Variants in VAV2 observed in about 807,000 individuals in gnomAD.
The protein encoded by VAV2 is guanine nucleotide exchange factor VAV2.
Under a neutral mutation model 132.5 loss-of-function variants are expected in VAV2, and 67 were observed. The ratio of observed to expected loss-of-function variants is 0.51; its 90% CI spans 0.42 to 0.62. VAV2 has a LOEUF of 0.62. Ranked by LOEUF, VAV2 falls within the 20% of genes least tolerant of loss-of-function variation. The pLI is 0.00. For missense variants in VAV2, 938 were observed against 1,153.6 expected (o/e 0.81, Z 2.71); for synonymous variants, 492 against 443.5 (o/e 1.11, Z -1.37).
intron 13 of VAV2, among the ~76,000 whole-genome samples, chr9:133,791,489 A>G (rs1834458436): frequency 1.3e-5 from 2 of 152,062 alleles, no homozygotes; most frequent in Non-Finnish European, 2.9e-5. Flanking sequence ...TTGGGGGAGA[A>G]GGGGGGCTGG....
chr9:133,795,424 G>A (rs1445921433), intron 12 of VAV2, among the ~76,000 whole-genome samples: 2 of 152,142 alleles, frequency 1.3e-5, no homozygotes, highest in Non-Finnish European at 2.9e-5. Flanking sequence ...GGGAGGTCTT[G>A]TTGGACAGGT....
In VAV2 at chr9:133,806,104, C is replaced by G; in HGVS notation, c.813G>C (p.Lys271Asn). ...SVMVGGSTLAKVFLDFKERLL... is the reference protein window; with the variant it reads ...SVMVGGSTLANVFLDFKERLL... The stretch of plus-strand genomic sequence containing the variant: ...ACCTTTCCTTGAAATCGAGGAAGAC[C>G]TTGGCCAGCGTGCTGCCCCCCACCA... The change falls in exon 9 of 30, where the codon AAG (lysine) becomes AAC (asparagine). Residue 271 changes from lysine to asparagine, a missense_variant. Transcript: ENST00000371850. 1 of 1,613,040 alleles carries G rather than the reference C, an allele frequency of 6.2e-7. No homozygotes were observed. Among genetic ancestry groups the G allele is most frequent in the South Asian group, 1.1e-5 (1 of 91,052 alleles).
chr9:133,821,706 G>A (rs1428877944), intron 4 of VAV2, among the ~76,000 whole-genome samples: 2 of 152,322 alleles, frequency 1.3e-5, no homozygotes, highest in East Asian at 3.9e-4. Context: ...GTTAGTTCCT[G>A]CTCAGCTGTG....
intron 1 of VAV2, among the ~76,000 whole-genome samples, chr9:133,972,565 C>G (rs571587376): frequency 1.7e-3 from 255 of 152,374 alleles, no homozygotes; most frequent in African/African-American, 5.8e-3. Flanking sequence ...CCTGAGCCCC[C>G]CTGAGAAACA....
intron 7 of VAV2, among the ~76,000 whole-genome samples, chr9:133,808,167 G>A (rs113402013): frequency 3.9e-5 from 6 of 152,320 alleles, no homozygotes; most frequent in African/African-American, 1.2e-4. Flanking sequence ...CTCAGAGCCA[G>A]GATTCTCAGA....
At position 133,874,404 on chromosome 9, in the gene VAV2, G is replaced by C. The variant is rs556704480; in HGVS notation, c.322-12972C>G. On this transcript the variant is annotated intron_variant, in intron 2 of 29. Coordinates refer to ENST00000371850, the MANE Select transcript of VAV2 (RefSeq NM_001134398.2). ...TCCCCTGTCCACCAGGAAAAAGCGG[G>C]GATAAAGGTGGGTTCCAGTGTGGGA... Among the ~76,000 whole-genome samples, 277 of 150,708 alleles carry C rather than the reference G, an allele frequency of 1.8e-3. 1 individual carries two copies. The highest frequency in any genetic ancestry group is 3.1e-3 in the Non-Finnish European group (209 of 66,830).
chr9:133,925,999 CCAAAAA>C (rs762599238), intron 2 of VAV2: 1 of 41,994 alleles, frequency 2.4e-5, no homozygotes, highest in Non-Finnish European at 4.6e-5. Flanking sequence ...TGGACATGGA[CCAAAAA>C]AAAAAAAAAA....
chr9:133,979,245 G>A (rs904335283), intron 1 of VAV2, among the ~76,000 whole-genome samples: 4 of 152,226 alleles, frequency 2.6e-5, no homozygotes, highest in Non-Finnish European at 4.4e-5. Flanking sequence ...CAACCCTTGG[G>A]AGGGGCTCCT....
At chr9:133,965,309 G>A (rs966021436) in intron 1 of VAV2, among the ~76,000 whole-genome samples, 4 of 151,320 alleles carry the variant, frequency 2.6e-5, no homozygotes, top group Non-Finnish European at 5.9e-5. Context: ...CCAACATGGT[G>A]AAACCCCATC....
At chr9:133,803,085 C>T (rs911087844) in intron 9 of VAV2, among the ~76,000 whole-genome samples, 2 of 152,082 alleles carry the variant, frequency 1.3e-5, no homozygotes, top group South Asian at 4.2e-4. Context: ...CCTTGGGCTT[C>T]GGGTAGGAAC....
chr9:133,941,010 TG>T (rs1841127997), intron 1 of VAV2, among the ~76,000 whole-genome samples: 1 of 80,786 alleles, frequency 1.2e-5, no homozygotes, highest in South Asian at 5.1e-4. Flanking sequence ...TCCATTAATC[TG>T]GTACAGTCCT....
intron 1 of VAV2, among the ~76,000 whole-genome samples, chr9:133,962,643 G>T (rs970670462): frequency 6.6e-6 from 1 of 152,004 alleles, no homozygotes; most frequent in African/African-American, 2.4e-5. Context: ...CAAAGCTCCC[G>T]GTGCTGGGAC....
At chr9:133,921,417 T>C (rs1249492755) in intron 2 of VAV2, among the ~76,000 whole-genome samples, 3 of 152,224 alleles carry the variant, frequency 2.0e-5, no homozygotes, top group Admixed American at 6.5e-5. Flanking sequence ...ATGGGAGGAC[T>C]GACTGGGGCC....
At chr9:133,791,103 G>A (rs1380414526) in intron 13 of VAV2, among the ~76,000 whole-genome samples, 1 of 152,214 alleles carries the variant, frequency 6.6e-6, no homozygotes, top group Non-Finnish European at 1.5e-5. Flanking sequence ...CAGCAGTGCT[G>A]AGGTGGAGAA....
chr9:133,846,047 C>T (rs1030772742), intron 3 of VAV2, among the ~76,000 whole-genome samples: 1 of 152,212 alleles, frequency 6.6e-6, no homozygotes, highest in Non-Finnish European at 1.5e-5. Context: ...ATTCACAGAG[C>T]AGGGGAAAGG....
rs541176939 is a variant in VAV2 at position 133,789,755 on chromosome 9, G to A, written c.1189-412C>T. On this transcript the variant is annotated intron_variant, in intron 13 of 29. Coordinates refer to ENST00000371850, the MANE Select transcript of VAV2 (RefSeq NM_001134398.2). Reference sequence around the variant, plus strand: ...ATCTGCTGCAGGGCGGGTGGGGCCGGGGTCCTGCCAAGGGTGAGGCTTCGA... The same window carrying A: ...ATCTGCTGCAGGGCGGGTGGGGCCGAGGTCCTGCCAAGGGTGAGGCTTCGA... Among the ~76,000 whole-genome samples, 37 of 152,218 alleles carry A rather than the reference G, an allele frequency of 2.4e-4. 1 individual carries two copies. The highest frequency in any genetic ancestry group is 4.6e-4 in the Non-Finnish European group (31 of 68,052).
At chr9:133,986,484 C>CACGGATTGCTGCTGTTGGCTGGATGGAG (rs1466940948) in intron 1 of VAV2, among the ~76,000 whole-genome samples, 2 of 152,266 alleles carry the variant, frequency 1.3e-5, no homozygotes, top group East Asian at 1.9e-4. Context: ...GTGGACGGGT[C>CACGGATTGCTGCTGTTGGCTGGATGGAG]ACGGATTGCT....
At chr9:133,771,066 T>C (rs1030452031) in intron 26 of VAV2, among the ~76,000 whole-genome samples, 7 of 147,448 alleles carry the variant, frequency 4.7e-5, no homozygotes, top group Non-Finnish European at 7.5e-5. Flanking sequence ...GATTTTCTTT[T>C]TTTTTTTTTT....
In VAV2 at chr9:133,918,941, A is replaced by T. The variant is rs1409100411; in HGVS notation, c.321+20162T>A. Among the ~76,000 whole-genome samples the T allele has an allele frequency of 2.2e-4, 33 of 151,828 alleles. No homozygotes were observed. The highest frequency in any genetic ancestry group is 2.2e-3 in the Admixed American group (33 of 15,250). ...CAGGCGTGCACCACCACACCAGGCT[A>T]ATTTTGTATTTTTAGTAGAGACGGG... On this transcript the variant is annotated intron_variant, in intron 2 of 29. Coordinates refer to ENST00000371850, the MANE Select transcript of VAV2 (RefSeq NM_001134398.2). This position sits in a 1 kb window ranked among gnomAD's most constrained non-coding sequence, Gnocchi z 4.7.
Sources: allele counts gnomAD v4.1 joint callset (sites outside exome capture counted in the v4.1 genomes callset), GRCh38; gene constraint gnomAD v4.1.1; non-coding constraint Gnocchi (gnomAD v3.1); transcripts MANE v1.5; gene names NCBI Gene and HGNC (gene_info 2026-07-23, HGNC 2026-07-21).